COL15A1: variants seen among roughly 807,000 people sequenced by gnomAD.
The protein encoded by COL15A1 is collagen alpha-1(XV) chain.
Under a neutral mutation model 165.9 loss-of-function variants are expected in COL15A1, and 111 were observed. The ratio of observed to expected loss-of-function variants is 0.67; its 90% CI spans 0.57 to 0.78. COL15A1 has a LOEUF of 0.78. COL15A1 is among the 30% of genes least tolerant of loss of function. COL15A1 has a pLI of 0.00. For synonymous variants in COL15A1, 659 were observed against 674.8 expected (o/e 0.98, Z 0.36); for missense variants, 1,745 against 1,789.7 (o/e 0.98, Z 0.45).
intron 41 of COL15A1, among the ~76,000 whole-genome samples, chr9:99,069,033 G>A (rs1020004969): frequency 3.9e-5 from 6 of 152,246 alleles, no homozygotes; most frequent in Admixed American, 2.0e-4. Context: ...TGGGGATCCT[G>A]TAACTCTACA....
chr9:98,993,176 G>C (rs1838477821), intron 5 of COL15A1, among the ~76,000 whole-genome samples: 1 of 152,198 alleles, frequency 6.6e-6, no homozygotes, highest in Non-Finnish European at 1.5e-5. Flanking sequence ...GCCTCATAGG[G>C]TCAGTGTGAA....
chr9:98,973,859 G>A (rs1838100825), intron 2 of COL15A1, among the ~76,000 whole-genome samples: 1 of 152,246 alleles, frequency 6.6e-6, no homozygotes, highest in Non-Finnish European at 1.5e-5. Context: ...GGGAGACAAG[G>A]AGGAGGCAGA....
At chr9:98,949,223 A>C (rs1010293322) in intron 2 of COL15A1, among the ~76,000 whole-genome samples, 4 of 152,254 alleles carry the variant, frequency 2.6e-5, no homozygotes, top group African/African-American at 9.6e-5. Context: ...ATGTGGCTGT[A>C]GTTCATTGCC....
intron 30 of COL15A1, among the ~76,000 whole-genome samples, chr9:99,052,028 G>T (rs1403345566): frequency 1.3e-5 from 2 of 152,190 alleles, no homozygotes; most frequent in African/African-American, 4.8e-5. Flanking sequence ...CCTTACACAT[G>T]AATCAATCCC....
intron 10 of COL15A1, 119 bp from the exon 11 acceptor site, chr9:99,015,857 T>C (rs1052657172): frequency 1.2e-5 from 15 of 1,239,972 alleles, no homozygotes; most frequent in Non-Finnish European, 1.6e-5. Flanking sequence ...GGGGTAACGA[T>C]GATCGTAGGT....
At chr9:99,030,184 G>A (rs1006386194) in intron 16 of COL15A1, among the ~76,000 whole-genome samples, 3 of 152,152 alleles carry the variant, frequency 2.0e-5, no homozygotes, top group South Asian at 2.1e-4. Context: ...TCTAAACCAC[G>A]ATGTTGTAAC....
chr9:98,997,494 C>A lies in COL15A1; in HGVS notation c.952+413C>A, dbSNP rs1490629850. On this transcript the variant is annotated intron_variant, in intron 6 of 41. Coordinates refer to ENST00000375001, the MANE Select transcript of COL15A1 (RefSeq NM_001855.5). ...ACAGCATACCGCCTACTCAGTAGCA[C>A]TAGCCACTATTTTATAGGTGGAAAA... 1.6e-4 allele frequency among the ~76,000 whole-genome samples: 25 copies of A among 152,360 alleles called. 1 individual carries two copies. The South Asian group carries it at 4.6e-3, about 28-fold the overall frequency.
At chr9:99,022,519 G>A (rs1839045099) in intron 13 of COL15A1, among the ~76,000 whole-genome samples, 1 of 152,096 alleles carries the variant, frequency 6.6e-6, no homozygotes, top group Non-Finnish European at 1.5e-5. Flanking sequence ...GCCCTGCCCA[G>A]TGTGTCCCCA....
intron 16 of COL15A1, among the ~76,000 whole-genome samples, chr9:99,027,029 G>C (rs1644795690): frequency 1.3e-5 from 2 of 152,262 alleles, no homozygotes; most frequent in South Asian, 4.2e-4. Context: ...TTCATTCTCT[G>C]TCTGTAAGCT....
chr9:99,027,079 T>C (rs1246549781), intron 16 of COL15A1, among the ~76,000 whole-genome samples: 2 of 152,220 alleles, frequency 1.3e-5, no homozygotes, highest in Non-Finnish European at 2.9e-5. Context: ...TGGTGCTACC[T>C]GGGGCGTGTA....
chr9:98,995,319 C>T (rs1838524711), intron 5 of COL15A1, among the ~76,000 whole-genome samples: 1 of 152,152 alleles, frequency 6.6e-6, no homozygotes, highest in Admixed American at 6.5e-5. Context: ...TGGTTCCTGT[C>T]TTGTGGACTT....
At chr9:99,004,368 A>G (rs1838719688) in intron 8 of COL15A1, among the ~76,000 whole-genome samples, 1 of 152,080 alleles carries the variant, frequency 6.6e-6, no homozygotes, top group Admixed American at 6.6e-5. Flanking sequence ...AGTCCCAGTG[A>G]GCAAGGGGCT....
chr9:99,056,308 C>T lies in COL15A1; in HGVS notation c.3241C>T (p.Pro1081Ser), dbSNP rs1564090340. 3.7e-6 allele frequency: 6 copies of T among 1,614,124 alleles called. No homozygotes were observed. The highest frequency in any genetic ancestry group is 5.1e-6 in the Non-Finnish European group (6 of 1,180,024). The stretch of plus-strand genomic sequence containing the variant: ...TGGGCCCCAAGGACCCCCAGGTGCT[C>T]CTGGTCTGCCTGGGCCACCTGGCTT... ...VVGPQGPPGA[P>S]GLPGPPGFGR... Residue 1081 changes from proline to serine, a missense_variant, in exon 35 of 42, where the codon CCT becomes TCT. By Grantham distance (74) the Pro-to-Ser change is moderately conservative. Coordinates refer to ENST00000375001, the MANE Select transcript of COL15A1 (RefSeq NM_001855.5).
intron 24 of COL15A1, among the ~76,000 whole-genome samples, chr9:99,043,882 G>A (rs116425458): frequency 6.6e-6 from 1 of 152,166 alleles, no homozygotes; most frequent in African/African-American, 2.4e-5. Flanking sequence ...CTGAGGACAG[G>A]ATTGGGGTCA....
intron 24 of COL15A1, 102 bp from the exon 25 acceptor site, chr9:99,044,466 G>A: frequency 2.0e-6 from 2 of 1,020,144 alleles, no homozygotes; most frequent in Non-Finnish European, 3.1e-6. Context: ...AGGACTCAGA[G>A]GTCTCTGTAC....
chr9:99,011,407 A>G (rs970880090), intron 9 of COL15A1, among the ~76,000 whole-genome samples: 9 of 113,402 alleles, frequency 7.9e-5, no homozygotes, highest in South Asian at 6.6e-4. Context: ...CCTCTTTCTG[A>G]AAAAAAAAAA....
In COL15A1 at chr9:99,038,662, T is replaced by C; in HGVS notation, c.2410-6T>C. 1 of 1,584,646 alleles carries C rather than the reference T, an allele frequency of 6.3e-7. No homozygotes were observed. The highest frequency in any genetic ancestry group is 1.1e-5 in the South Asian group (1 of 90,328). ...TGTCCTCATTGTCTGATTTTTCTCT[T>C]TTCAGTCCTTGATCAATATCACCCA... is the stretch of plus-strand genomic sequence containing the variant. On this transcript the variant is annotated splice_region_variant and splice_polypyrimidine_tract_variant and intron_variant, in intron 21 of 41. Coordinates refer to ENST00000375001, the MANE Select transcript of COL15A1 (RefSeq NM_001855.5).
At chr9:98,965,621 C>T (rs1837943366) in intron 2 of COL15A1, among the ~76,000 whole-genome samples, 4 of 152,168 alleles carry the variant, frequency 2.6e-5, no homozygotes. Flanking sequence ...CTCACTTGGC[C>T]CTTGTTTTCC....
intron 2 of COL15A1, among the ~76,000 whole-genome samples, chr9:98,976,400 C>G (rs1469907204): frequency 6.6e-6 from 1 of 152,184 alleles, no homozygotes; most frequent in Non-Finnish European, 1.5e-5. Context: ...GGGAGGGGGA[C>G]TAGCTGGCCC....
Sources: gnomAD v4.1 joint callset for allele counts (sites outside exome capture counted in the v4.1 genomes callset) on GRCh38, gnomAD v4.1.1 for gene constraint, MANE v1.5 for transcripts, NCBI Gene and HGNC (gene_info 2026-07-23, HGNC 2026-07-21) for gene names.